The following SNORC variants were observed in gnomAD, a reference collection of about 807,000 sequenced individuals.
The protein encoded by SNORC is secondary ossification center associated regulator of chondrocyte maturation, also known as protein SNORC.
A neutral mutation model predicts 9.7 loss-of-function variants in SNORC; 11 were observed. The ratio of observed to expected loss-of-function variants is 1.14; its 90% CI spans 0.72 to 1.88. SNORC has a LOEUF of 1.88. SNORC is among the 40% of genes most tolerant of loss of function. The probability of loss-of-function intolerance (pLI) is 0.00; values close to 1 mark genes in which losing one functional copy is unlikely to be tolerated. For missense variants in SNORC, 197 were observed against 173.1 expected (o/e 1.14, Z -0.77); for synonymous variants, 108 against 88.7 (o/e 1.22, Z -1.22).
At chr2:232,878,597 T>C (rs1409454160), downstream of SNORC, 3 of 152,540 alleles carry the variant, frequency 2.0e-5, no homozygotes, top group African/African-American at 7.2e-5. Flanking sequence ...CTTTGGGACA[T>C]GCCTCCTCGA....
chr2:232,874,732 G>A (rs1432612811), intron 1 of SNORC, among the ~76,000 whole-genome samples: 2 of 152,240 alleles, frequency 1.3e-5, no homozygotes, highest in Non-Finnish European at 2.9e-5. Context: ...GGAACCCGCA[G>A]GGACAAAAGG....
At chr2:232,871,026 G>C (rs554784977) in intron 1 of SNORC, among the ~76,000 whole-genome samples, 21 of 152,344 alleles carry the variant, frequency 1.4e-4, no homozygotes, top group African/African-American at 4.8e-4. Flanking sequence ...CCTGTGGAGA[G>C]GGGAAGACTG....
chr2:232,872,477 G>A (rs1032112280), intron 1 of SNORC, among the ~76,000 whole-genome samples: 1 of 152,232 alleles, frequency 6.6e-6, no homozygotes. Context: ...GAGAGAGCCC[G>A]TGGTGCCCAG....
chr2:232,869,910 C>T (rs1690957907), upstream of SNORC: 2 of 285,336 alleles, frequency 7.0e-6, no homozygotes, highest in Non-Finnish European at 1.3e-5. Flanking sequence ...TGCAGATTCC[C>T]TGGGCTACCC....
downstream of SNORC, chr2:232,877,492 C>G (rs1691318772): frequency 6.7e-6 from 2 of 299,318 alleles, no homozygotes; most frequent in Admixed American, 1.3e-4. Context: ...TTGGGGACAG[C>G]TTAATGTATC....
downstream of SNORC, chr2:232,876,714 G>T: frequency 1.0e-6 from 1 of 988,186 alleles, no homozygotes; most frequent in South Asian, 4.7e-5. The surrounding 1 kb of genome is among the most constrained non-coding windows in gnomAD (Gnocchi z 6.8). Flanking sequence ...CCCGGTGCGC[G>T]TGCGCCGGGG....
chr2:232,877,065 A>C (rs921399275), downstream of SNORC: 4 of 985,696 alleles, frequency 4.1e-6, no homozygotes, highest in African/African-American at 7.0e-5. Flanking sequence ...TGAGTCCTGC[A>C]GCCAGGGCCC....
intron 1 of SNORC, among the ~76,000 whole-genome samples, chr2:232,874,158 A>G (rs1691128433): frequency 6.6e-6 from 1 of 152,208 alleles, no homozygotes; most frequent in African/African-American, 2.4e-5. Flanking sequence ...AAGTTGCACA[A>G]ATACTCCAAT....
chr2:232,868,831 T>TG (rs1690925011), upstream of SNORC, among the ~76,000 whole-genome samples: 1 of 152,216 alleles, frequency 6.6e-6, no homozygotes, highest in South Asian at 2.1e-4. Flanking sequence ...AGCACACCCC[T>TG]GTCTAGAATG....
chr2:232,870,928 G>T (rs1691004203), intron 1 of SNORC, among the ~76,000 whole-genome samples: 1 of 152,240 alleles, frequency 6.6e-6, no homozygotes, highest in African/African-American at 2.4e-5. Context: ...AGATCCCTCT[G>T]CAAAACGGTG....
At chr2:232,874,823 G>A (rs1691158613) in intron 1 of SNORC, among the ~76,000 whole-genome samples, 2 of 152,236 alleles carry the variant, frequency 1.3e-5, no homozygotes, top group South Asian at 2.1e-4. Flanking sequence ...CAGCACAACC[G>A]CTCCTGCAAC....
intron 1 of SNORC, among the ~76,000 whole-genome samples, chr2:232,871,343 C>T (rs1691017845): frequency 6.6e-6 from 1 of 152,192 alleles, no homozygotes; most frequent in South Asian, 2.1e-4. Context: ...TGGCTTCTCC[C>T]TGGACGCCCA....
At chr2:232,867,779 C>G (rs566238030), upstream of SNORC, among the ~76,000 whole-genome samples, 29 of 152,298 alleles carry the variant, frequency 1.9e-4, no homozygotes, top group Admixed American at 1.8e-3. Context: ...AACACAGTGA[C>G]ATTTTGAATA....
intron 1 of SNORC, among the ~76,000 whole-genome samples, chr2:232,872,358 A>C (rs1270830024): frequency 3.3e-5 from 5 of 152,128 alleles, no homozygotes; most frequent in African/African-American, 7.2e-5. Flanking sequence ...AAGGCCCTTC[A>C]TGGCCCACAC....
At chr2:232,868,981 A>G (rs1306144273), upstream of SNORC, 1 of 152,218 alleles carries the variant, frequency 6.6e-6, no homozygotes, top group Non-Finnish European at 1.5e-5. Flanking sequence ...GCTAGCATAA[A>G]TTAACAGTAG....
At chr2:232,876,494 T>TGCGCGCGGGGCC, downstream of SNORC, 3 of 1,299,696 alleles carry the variant, frequency 2.3e-6, no homozygotes, top group Non-Finnish European at 2.9e-6. The surrounding 1 kb of genome is among the most constrained non-coding windows in gnomAD (Gnocchi z 6.8). Flanking sequence ...AGGGCGGGGG[T>TGCGCGCGGGGCC]GCGCGCGGGG....
At chr2:232,875,405 T>TGGTC (rs948896268) in intron 1 of SNORC, 2 of 306,926 alleles carry the variant, frequency 6.5e-6, no homozygotes, top group Non-Finnish European at 1.4e-5. Flanking sequence ...TGATGTCAGA[T>TGGTC]GGTCTGGCTG....
At chr2:232,872,020 C>T (rs1054007992) in intron 1 of SNORC, among the ~76,000 whole-genome samples, 3 of 152,356 alleles carry the variant, frequency 2.0e-5, no homozygotes, top group Non-Finnish European at 4.4e-5. Flanking sequence ...GCCCCACTTC[C>T]CTCCATGTGT....
downstream of SNORC, chr2:232,876,567 G>T: frequency 1.7e-6 from 2 of 1,163,690 alleles, no homozygotes; most frequent in Non-Finnish European, 2.1e-6. This position sits in a 1 kb window ranked among gnomAD's most constrained non-coding sequence, Gnocchi z 6.8. Context: ...CCGCAGGGGC[G>T]CCGGGGCGTG....
Sources: allele counts gnomAD v4.1 joint callset (sites outside exome capture counted in the v4.1 genomes callset), GRCh38; gene constraint gnomAD v4.1.1; non-coding constraint Gnocchi (gnomAD v3.1); transcripts MANE v1.5; gene names NCBI Gene and HGNC (gene_info 2026-07-23, HGNC 2026-07-21).